Variants in AGMO observed in about 807,000 individuals in gnomAD.
AGMO encodes alkylglycerol monooxygenase.
In AGMO, 75 loss-of-function variants were observed where a neutral mutation model predicts 60.2. That is an observed-to-expected ratio of 1.25 (90% confidence interval 1.03 to 1.51). The LOEUF is 1.51. AGMO is among the 40% of genes most tolerant of loss of function. The probability of loss-of-function intolerance (pLI) is 0.00; values close to 1 mark genes in which losing one functional copy is unlikely to be tolerated. For synonymous variants in AGMO, 261 were observed against 177.1 expected, an observed-to-expected ratio of 1.47 and a Z score of -3.76; for missense variants, 763 against 525.5, an observed-to-expected ratio of 1.45 and a Z score of -4.42.
At chr7:15,233,866 G>C (rs966886755) in intron 12 of AGMO, among the ~76,000 whole-genome samples, 1 of 152,160 alleles carries the variant, frequency 6.6e-6, no homozygotes, top group Non-Finnish European at 1.5e-5. Context: ...GACCAACGTG[G>C]TGAAACCCTG....
At position 15,233,748 on chromosome 7, in the gene AGMO, T is replaced by G. The variant is rs778720725; in HGVS notation, c.1264-32389A>C. Among the ~76,000 whole-genome samples, 24 of 152,236 alleles carry G rather than the reference T, an allele frequency of 1.6e-4. 1 individual carries two copies. Among genetic ancestry groups the G allele is most frequent in the Non-Finnish European group, 2.2e-4 (15 of 68,008 alleles). On this transcript the variant is annotated intron_variant, in intron 12 of 12. Transcript: ENST00000342526. The stretch of plus-strand genomic sequence containing the variant: ...ATGATTCTGGTGAAACGTAAGAATT[T>G]AAGATACTATAGAACATATTAGGCC...
At chr7:15,304,381 G>A (rs562269754) in intron 12 of AGMO, among the ~76,000 whole-genome samples, 1 of 152,194 alleles carries the variant, frequency 6.6e-6, no homozygotes, top group South Asian at 2.1e-4. Flanking sequence ...GGAAGAATTG[G>A]ATTGAAATTC....
At chr7:15,559,378 T>A (rs1785239938) in intron 2 of AGMO, among the ~76,000 whole-genome samples, 1 of 152,032 alleles carries the variant, frequency 6.6e-6, no homozygotes, top group Admixed American at 6.6e-5. Flanking sequence ...GGGACTGTAG[T>A]GTAGGAATGC....
chr7:15,170,315 T>A, the AGMO span, among the ~76,000 whole-genome samples: 1 of 152,238 alleles, frequency 6.6e-6, no homozygotes, highest in Non-Finnish European at 1.5e-5. Flanking sequence ...CTGTAGCTTG[T>A]ATTTAATAGT....
At chr7:15,173,107 C>A in the AGMO span, among the ~76,000 whole-genome samples, 1 of 151,952 alleles carries the variant, frequency 6.6e-6, no homozygotes, top group Admixed American at 6.6e-5. Flanking sequence ...CTATTGAATA[C>A]ATTTATTGAA....
At chr7:15,372,097 T>C (rs1042617569) in intron 10 of AGMO, among the ~76,000 whole-genome samples, 3 of 152,092 alleles carry the variant, frequency 2.0e-5, no homozygotes, top group Admixed American at 6.6e-5. Flanking sequence ...GAACTTAAGT[T>C]TTTCTATATA....
intron 3 of AGMO, among the ~76,000 whole-genome samples, chr7:15,504,542 C>G (rs1413316587): frequency 1.3e-5 from 2 of 152,030 alleles, no homozygotes; most frequent in East Asian, 3.9e-4. Context: ...TTCCTACTCA[C>G]TGTCGCTCAA....
At chr7:15,192,015 A>G in the AGMO span, among the ~76,000 whole-genome samples, 1 of 151,460 alleles carries the variant, frequency 6.6e-6, no homozygotes, top group African/African-American at 2.4e-5. Flanking sequence ...ACAGAGAACT[A>G]TTCATCAAAA....
chr7:15,170,296 G>A, the AGMO span, among the ~76,000 whole-genome samples: 13 of 152,256 alleles, frequency 8.5e-5, no homozygotes, highest in African/African-American at 1.9e-4. Flanking sequence ...TGTTTATTGC[G>A]TGCTATTTCT....
intron 12 of AGMO, among the ~76,000 whole-genome samples, chr7:15,336,635 T>C (rs1338556612): frequency 6.6e-6 from 1 of 152,200 alleles, no homozygotes; most frequent in Non-Finnish European, 1.5e-5. Context: ...TTCTTTAGAT[T>C]GTAGAATATG....
Position 15,355,438 on chromosome 7 carries a change from G to C in AGMO, c.1263+10076C>G, listed in dbSNP as rs368891563. On this transcript the variant is annotated intron_variant, in intron 12 of 12. Transcript: ENST00000342526. ...GAACAGCGTGAACCTGGGAGGTGGA[G>C]CTTGCAGTGAGCCCAGATCATGCCA... Among the ~76,000 whole-genome samples the C allele has an allele frequency of 2.8e-5, 4 of 143,728 alleles. No individual in the cohort carries two copies. In the East Asian group the frequency reaches 6.2e-4, roughly 22 times the overall value. The allele number at this position is 143,728 out of a possible 152,430, so 94.3% of individuals were successfully genotyped here. A position where few individuals can be genotyped will look rare whatever the true frequency, so the allele number is the denominator to read the frequency against.
At chr7:15,414,481 C>T (rs1342690234) in intron 5 of AGMO, among the ~76,000 whole-genome samples, 1 of 151,644 alleles carries the variant, frequency 6.6e-6, no homozygotes, top group African/African-American at 2.4e-5. Flanking sequence ...CACATACACA[C>T]ACACACACAC....
intron 9 of AGMO, among the ~76,000 whole-genome samples, chr7:15,387,182 T>A (rs1287230177): frequency 2.0e-5 from 3 of 152,226 alleles, no homozygotes; most frequent in Non-Finnish European, 4.4e-5. Flanking sequence ...CTCCACAATC[T>A]GTGCTCCTAG....
the AGMO span, among the ~76,000 whole-genome samples, chr7:15,139,671 G>T: frequency 2.0e-5 from 3 of 151,908 alleles, no homozygotes; most frequent in Non-Finnish European, 2.9e-5. Context: ...GGGGCAAGGA[G>T]TTGGTACATA....
downstream of AGMO, among the ~76,000 whole-genome samples, chr7:15,199,345 C>T (rs562411630): frequency 4.6e-5 from 7 of 152,284 alleles, no homozygotes; most frequent in South Asian, 1.2e-3. Flanking sequence ...ATTCAATTTA[C>T]TCAAAGAAAA....
At chr7:15,269,476 G>A (rs1434080748) in intron 12 of AGMO, among the ~76,000 whole-genome samples, 1 of 152,056 alleles carries the variant, frequency 6.6e-6, no homozygotes, top group Non-Finnish European at 1.5e-5. Flanking sequence ...AAGTGAGCTG[G>A]AAAGACAGGA....
In AGMO at chr7:15,385,446, A is replaced by G. The variant is rs754699109; in HGVS notation, c.1074T>C (p.Ala358=). ...AFYEETFADT[A]ALSQVTLLLR... is the part of the protein sequence containing the mutation. The stretch of plus-strand genomic sequence containing the variant: ...ACTACTTAAAATGGATATTACTTAC[A>G]GCTGTATCTGCAAAGGTCTCTTCAT... The change falls in exon 10 of 13, where the codon GCT becomes GCC. Residue 358 remains alanine (A), a splice_region_variant and synonymous_variant. Transcript: ENST00000342526. The G allele has an allele frequency of 9.7e-6, 15 of 1,552,046 alleles. No homozygotes were observed. The highest frequency in any genetic ancestry group is 1.4e-5 in the African/African-American group (1 of 73,436).
At chr7:15,265,919 TATACAC>T (rs1284526536) in intron 12 of AGMO, among the ~76,000 whole-genome samples, 1 of 152,090 alleles carries the variant, frequency 6.6e-6, no homozygotes, top group Non-Finnish European at 1.5e-5. Flanking sequence ...CGAAATATGG[TATACAC>T]ATACAATAGA....
At chr7:15,193,033 A>C in the AGMO span, among the ~76,000 whole-genome samples, 1 of 152,192 alleles carries the variant, frequency 6.6e-6, no homozygotes, top group Non-Finnish European at 1.5e-5. Context: ...CATTTTTTGA[A>C]GATATTGTTT....
Sources: allele counts gnomAD v4.1 joint callset (sites outside exome capture counted in the v4.1 genomes callset), GRCh38; gene constraint gnomAD v4.1.1; transcripts MANE v1.5; gene names NCBI Gene and HGNC (gene_info 2026-07-23, HGNC 2026-07-21).